Variants in DGKD observed in about 807,000 individuals in gnomAD.
The protein encoded by DGKD is diacylglycerol kinase delta, also known as DAG kinase delta.
In DGKD, 68 loss-of-function variants were observed where a neutral mutation model predicts 154.4. The observed-to-expected ratio is 0.44, with a 90% CI of 0.36 to 0.54. The LOEUF is 0.54. Among genes scored for constraint, DGKD ranks in the 20% least tolerant of loss-of-function variants. The probability of loss-of-function intolerance (pLI) is 0.00; values close to 1 mark genes in which losing one functional copy is unlikely to be tolerated. For synonymous variants in DGKD, 693 were observed against 638.0 expected (o/e 1.09, Z -1.30); for missense variants, 1,343 against 1,593.6 (o/e 0.84, Z 2.68).
At chr2:233,418,286 C>T (rs2062012322) in intron 3 of DGKD, among the ~76,000 whole-genome samples, 1 of 152,178 alleles carries the variant, frequency 6.6e-6, no homozygotes, top group South Asian at 2.1e-4. Context: ...CTATGGCCAG[C>T]CCATGTTGGG....
Position 233,362,393 on chromosome 2 carries a change from G to A in DGKD, c.156+7719G>A, listed in dbSNP as rs116231894. 5.4e-3 allele frequency among the ~76,000 whole-genome samples: 822 copies of A among 152,330 alleles called. 7 individuals are homozygous for A. The highest frequency in any genetic ancestry group is 0.019 in the African/African-American group (776 of 41,562). ...TGGCCAGGTGCAGTGACTCACGACT[G>A]TAATCCCAGCAGTTTTGGATGCTGA... On this transcript the variant is annotated intron_variant, in intron 1 of 29. Transcript: ENST00000264057.
chr2:233,463,315 A>ACCTCACTCCACACATCT (rs2063712635), intron 26 of DGKD, among the ~76,000 whole-genome samples: 5 of 108,384 alleles, frequency 4.6e-5, no homozygotes, highest in African/African-American at 1.9e-4. Context: ...TCCACACATC[A>ACCTCACTCCACACATCT]CCTCACTCCA....
chr2:233,394,729 A>T (rs2125457357), intron 3 of DGKD, among the ~76,000 whole-genome samples: 3 of 67,690 alleles, frequency 4.4e-5, no homozygotes, highest in Admixed American at 2.4e-4. Context: ...TTTTTTAGAG[A>T]TAGGCTCTTG....
At chr2:233,446,854 T>A (rs947047844) in intron 12 of DGKD, 58 bp downstream of exon 12, 5 of 1,588,628 alleles carry the variant, frequency 3.1e-6, no homozygotes, top group Non-Finnish European at 4.3e-6. Context: ...AGAACTGTCC[T>A]GTCAGCGGTT....
chr2:233,403,342 C>T (rs1307374272), intron 3 of DGKD, among the ~76,000 whole-genome samples: 1 of 151,988 alleles, frequency 6.6e-6, no homozygotes, highest in East Asian at 1.9e-4. Flanking sequence ...GGCGGATCAC[C>T]TGAGGTCAGG....
intron 3 of DGKD, among the ~76,000 whole-genome samples, chr2:233,424,485 G>A (rs893551467): frequency 2.0e-5 from 3 of 152,232 alleles, no homozygotes; most frequent in African/African-American, 7.2e-5. Flanking sequence ...TCGTCCTTGT[G>A]CTGATCCTCC....
chr2:233,390,514 T>C, intron 3 of DGKD, 31 bp downstream of exon 3: 1 of 1,565,938 alleles, frequency 6.4e-7, no homozygotes, highest in Non-Finnish European at 8.8e-7. Context: ...CTTTCTTGAT[T>C]CTTCACTGAA....
intron 3 of DGKD, chr2:233,409,034 CTT>C (rs2061756632): frequency 6.6e-6 from 1 of 152,256 alleles, no homozygotes; most frequent in Admixed American, 6.5e-5. Flanking sequence ...ATGCTGTCCT[CTT>C]CTGGCAGCCT....
Position 233,434,801 on chromosome 2 carries a change from G to A in DGKD, c.486G>A (p.Gly162=). The A allele has an allele frequency of 6.2e-7, 1 of 1,614,194 alleles. No individual in the cohort carries two copies. Among genetic ancestry groups the A allele is most frequent in the Non-Finnish European group, 8.5e-7 (1 of 1,180,032 alleles). Residue 162 remains glycine, a synonymous_variant, in exon 5 of 30, where the codon GGG becomes GGA. Transcript: ENST00000264057. The part of the protein sequence containing the change: ...PTQYSMDHFS[G]MHNWYACSHA... ...AGTACAGCATGGACCACTTCTCAGG[G>A]ATGCACAATTGGTACGCCTGTTCCC...
chr2:233,367,589 C>T lies in DGKD; in HGVS notation c.156+12915C>T, dbSNP rs184604759. 4.7e-3 allele frequency among the ~76,000 whole-genome samples: 710 copies of T among 152,226 alleles called. 6 individuals carry two copies. Among genetic ancestry groups the T allele is most frequent in the Non-Finnish European group, 4.8e-3 (329 of 67,994 alleles). On this transcript the variant is annotated intron_variant, in intron 1 of 29. Transcript: ENST00000264057. ...CTTTTGTACCAACCTAATAATCTTTCTGGATTTTTCTGATTGTTTTCCCAT... is the reference window on the plus strand; with the variant it reads ...CTTTTGTACCAACCTAATAATCTTTTTGGATTTTTCTGATTGTTTTCCCAT...
intron 17 of DGKD, 137 bp from the exon 18 acceptor site, chr2:233,451,827 G>A: frequency 1.4e-6 from 1 of 730,620 alleles, no homozygotes; most frequent in Non-Finnish European, 2.2e-6. Context: ...ATTTGGACAT[G>A]GTTATACATA....
intron 1 of DGKD, among the ~76,000 whole-genome samples, chr2:233,386,820 A>G (rs1032613120): frequency 7.2e-5 from 11 of 152,226 alleles, no homozygotes; most frequent in African/African-American, 2.4e-4. Context: ...AGAGTTCACC[A>G]TGATTGGCAC....
At chr2:233,461,446 G>A (rs930041301) in intron 24 of DGKD, among the ~76,000 whole-genome samples, 1 of 152,248 alleles carries the variant, frequency 6.6e-6, no homozygotes, top group African/African-American at 2.4e-5. Context: ...CATCACCGGC[G>A]TTCCTCGCTC....
At chr2:233,450,784 C>T (rs1338748710) in intron 16 of DGKD, 138 bp from the exon 17 acceptor site, 2 of 1,115,210 alleles carry the variant, frequency 1.8e-6, no homozygotes, top group Non-Finnish European at 2.6e-6. Context: ...TTCTTTGTCC[C>T]ACACACTTCA....
In DGKD at chr2:233,445,326, TGA is replaced by T. The variant is rs1476938689; in HGVS notation, c.1195-295_1195-294del. Among the ~76,000 whole-genome samples the T allele has an allele frequency of 6.6e-6, 1 of 151,788 alleles. No homozygotes were observed. The highest frequency in any genetic ancestry group is 1.9e-4 in the East Asian group (1 of 5,172). On this transcript the variant is annotated intron_variant, in intron 10 of 29. Coordinates refer to ENST00000264057, the MANE Select transcript of DGKD (RefSeq NM_152879.3). This position sits in a 1 kb window ranked among gnomAD's most constrained non-coding sequence, Gnocchi z 5.5. ...TTTGGGAGACAGATCAGAGAGGGTG[TGA>T]GGGGCTGACCATCAAGATGTGATGA...
At chr2:233,414,489 C>T (rs2061907855) in intron 3 of DGKD, among the ~76,000 whole-genome samples, 1 of 152,238 alleles carries the variant, frequency 6.6e-6, no homozygotes, top group African/African-American at 2.4e-5. Flanking sequence ...CAGGCAGGCA[C>T]TCCATCCCTC....
rs1559549420 is a variant in DGKD, at chr2:233,438,740, TA to T, written c.1085+362del. ...TTCTTTCATTTTATAATTTTTTATTTATCTGTCTATCTATCATCTATCTATC... is the reference window on the plus strand; with the variant it reads ...TTCTTTCATTTTATAATTTTTTATTTTCTGTCTATCTATCATCTATCTATC... On this transcript the variant is annotated intron_variant, in intron 9 of 29. Transcript: ENST00000264057. This position sits in a 1 kb window ranked among gnomAD's most constrained non-coding sequence, Gnocchi z 4.1. 0.15 allele frequency among the ~76,000 whole-genome samples: 22,795 copies of T among 147,322 alleles called. 2,136 individuals carry two copies. The highest frequency in any genetic ancestry group is 0.25 in the African/African-American group (9,831 of 40,112).
chr2:233,428,243 A>T (rs1220088159), intron 3 of DGKD, among the ~76,000 whole-genome samples: 1 of 152,080 alleles, frequency 6.6e-6, no homozygotes, highest in Non-Finnish European at 1.5e-5. Flanking sequence ...TGGAAGTGTG[A>T]GTCATGGCAA....
At chr2:233,418,989 G>A (rs1481583044) in intron 3 of DGKD, among the ~76,000 whole-genome samples, 2 of 152,140 alleles carry the variant, frequency 1.3e-5, no homozygotes, top group African/African-American at 4.8e-5. Context: ...GAGGAAGTCT[G>A]TTGTCTACGC....
Sources: allele counts gnomAD v4.1 joint callset (sites outside exome capture counted in the v4.1 genomes callset), GRCh38; gene constraint gnomAD v4.1.1; non-coding constraint Gnocchi (gnomAD v3.1); transcripts MANE v1.5; gene names NCBI Gene and HGNC (gene_info 2026-07-23, HGNC 2026-07-21).